Variants in ZFC3H1 observed in about 807,000 individuals in gnomAD.
ZFC3H1 encodes the protein zinc finger C3H1 domain-containing protein.
Under a neutral mutation model 243.7 loss-of-function variants are expected in ZFC3H1, and 71 were observed. The observed-to-expected ratio is 0.29, with a 90% CI of 0.24 to 0.36. The LOEUF is 0.36. Ranked by LOEUF, ZFC3H1 falls within the 10% of genes least tolerant of loss-of-function variation. The pLI is 1.00. For missense variants in ZFC3H1, 1,966 were observed against 2,317.1 expected (o/e 0.85, Z 3.11); for synonymous variants, 838 against 813.0 (o/e 1.03, Z -0.52).
At chr12:71,642,893 T>C (rs1417709025) in intron 5 of ZFC3H1, among the ~76,000 whole-genome samples, 1 of 152,178 alleles carries the variant, frequency 6.6e-6, no homozygotes, top group African/African-American at 2.4e-5. Context: ...ATTAAGAAAC[T>C]AGAGGAATAC....
chr12:71,655,557 A>G (rs1880995144), intron 2 of ZFC3H1, among the ~76,000 whole-genome samples: 1 of 152,176 alleles, frequency 6.6e-6, no homozygotes, highest in Admixed American at 6.5e-5. Flanking sequence ...CAATTTTTAT[A>G]ACTTCTGTAA....
At chr12:71,636,452 CTG>C (rs1348451794) in intron 9 of ZFC3H1, 36 bp downstream of exon 9, 8 of 1,564,456 alleles carry the variant, frequency 5.1e-6, no homozygotes, top group Non-Finnish European at 6.9e-6. Flanking sequence ...TTTATCATAA[CTG>C]TTTGAATAAA....
In ZFC3H1 at chr12:71,656,914, AG is replaced by A; in HGVS notation, c.985del (p.Leu329Ter). ...KVKDGAKPLS[L>X]KSDTTDSSQG... ...ACTAGAATCAGTAGTGTCGGATTTC[AG>A]GGAAAGTGGTTTTGCTCCATCTTTA... On this transcript the variant is annotated frameshift_variant, in exon 2 of 35. Transcript: ENST00000378743. LOFTEE classifies it high-confidence loss of function. 6.2e-7 allele frequency: 1 copy of A among 1,612,706 alleles called. No individual in the cohort carries two copies. Among genetic ancestry groups the A allele is most frequent in the East Asian group, 2.2e-5 (1 of 44,836 alleles).
rs1371272813 is a variant in ZFC3H1, at chr12:71,610,319, G to T, written c.*109C>A. 1 of 1,295,846 alleles carries T rather than the reference G, an allele frequency of 7.7e-7. No homozygotes were observed. Among genetic ancestry groups the T allele is most frequent in the Non-Finnish European group, 1.1e-6 (1 of 938,832 alleles). The allele number at this position is 1,295,846 out of a possible 1,614,324, so 80.3% of individuals were successfully genotyped here. A position where few individuals can be genotyped will look rare whatever the true frequency, so the allele number is the denominator to read the frequency against. On this transcript the variant is annotated 3_prime_UTR_variant, in exon 35 of 35. Coordinates refer to ENST00000378743, the MANE Select transcript of ZFC3H1 (RefSeq NM_144982.5). ...TAGGGAACTTGATATGATCAATAAC[G>T]CTTGTCTGCCTTACACAGACCTTAG...
intron 3 of ZFC3H1, among the ~76,000 whole-genome samples, chr12:71,646,832 G>A (rs1394956845): frequency 6.6e-6 from 1 of 152,194 alleles, no homozygotes; most frequent in Non-Finnish European, 1.5e-5. Context: ...TATGCTACGT[G>A]AGGTAGCTAC....
chr12:71,620,419 T>TC (rs1166065057), intron 24 of ZFC3H1, 104 bp from the exon 25 acceptor site: 12 of 1,097,050 alleles, frequency 1.1e-5, no homozygotes, highest in Non-Finnish European at 1.5e-5. Context: ...AGATGACCCC[T>TC]CCCTTTGATT....
intron 20 of ZFC3H1, 131 bp from the exon 21 acceptor site, chr12:71,628,065 A>C: frequency 1.1e-6 from 1 of 888,214 alleles, no homozygotes; most frequent in East Asian, 2.7e-5. Context: ...ACTAGCTCAC[A>C]GCTTTAAGGT....
At chr12:71,655,995 CA>C (rs141188561) in intron 2 of ZFC3H1, among the ~76,000 whole-genome samples, 2 of 152,204 alleles carry the variant, frequency 1.3e-5, no homozygotes, top group Middle Eastern at 3.4e-3. Flanking sequence ...GAATGAATTT[CA>C]AACACATTAT....
At chr12:71,611,310 C>A in intron 32 of ZFC3H1, 1 of 352,146 alleles carries the variant, frequency 2.8e-6, no homozygotes. Flanking sequence ...AAGAAAAAAG[C>A]AGACCAGTGT....
rs777681665 is a variant in ZFC3H1, at chr12:71,631,887, C to G, written c.3361G>C (p.Glu1121Gln). The change falls in exon 16 of 35, where the codon GAG becomes CAG. Residue 1121 changes from glutamate to glutamine, a missense_variant and splice_region_variant. By Grantham distance (29) the Glu-to-Gln change is conservative. Transcript: ENST00000378743. ...ACAAAATCCACATCTACAGAAATCT[C>G]CTGCAAAAGAAAATAATAATTCTGT... ...GITEKVLHGQEISVDVDFVTA... is the reference protein window; with the variant it reads ...GITEKVLHGQQISVDVDFVTA... 1 of 1,609,040 alleles carries G rather than the reference C, an allele frequency of 6.2e-7. No homozygotes were observed.
chr12:71,639,999 G>C (rs1449213184), intron 6 of ZFC3H1, among the ~76,000 whole-genome samples: 1 of 151,874 alleles, frequency 6.6e-6, no homozygotes, highest in African/African-American at 2.4e-5. Context: ...TTGTGCTCTT[G>C]ATTCTGTGTC....
rs767459195 is a variant in ZFC3H1 at position 71,613,348 on chromosome 12, C to T, written c.5614G>A (p.Gly1872Arg). Residue 1872 changes from glycine to arginine, a missense_variant, in exon 31 of 35, where the codon GGA (glycine) becomes AGA (arginine). Transcript: ENST00000378743. ...AGTTTTTCTTACCTCAATGCAAGTC[C>T]AGAATTAGCTGGCATAACTGAACAA... ...RFCSVMPANS[G>R]LALRLLQHEW... The T allele has an allele frequency of 6.2e-7, 1 of 1,608,846 alleles. No homozygotes were observed. Among genetic ancestry groups the T allele is most frequent in the Admixed American group, 1.7e-5 (1 of 59,638 alleles).
At chr12:71,628,584 G>A (rs1170910906) in intron 20 of ZFC3H1, among the ~76,000 whole-genome samples, 3 of 152,164 alleles carry the variant, frequency 2.0e-5, no homozygotes, top group African/African-American at 4.8e-5. Flanking sequence ...CTGCCCTTAA[G>A]GAGGACACAG....
intron 3 of ZFC3H1, among the ~76,000 whole-genome samples, chr12:71,647,163 T>C (rs1880749599): frequency 6.6e-6 from 1 of 152,178 alleles, no homozygotes; most frequent in Non-Finnish European, 1.5e-5. Context: ...AGAAAAAAAC[T>C]ACAGATATTT....
chr12:71,615,339 T>C, intron 27 of ZFC3H1, 23 bp from the exon 28 acceptor site: 1 of 1,500,830 alleles, frequency 6.7e-7, no homozygotes. Context: ...ATCCAAATAT[T>C]GTTTTAAATT....
rs1482838425 is a variant in ZFC3H1 at position 71,620,322 on chromosome 12, A to G, written c.4745-7T>C. ...GTGCAAGCTTTCACTGCATCTACCC[A>G]AAAACATCACAACAACATGAATCAC... On this transcript the variant is annotated splice_polypyrimidine_tract_variant and splice_region_variant and intron_variant, in intron 24 of 34. Coordinates refer to ENST00000378743, the MANE Select transcript of ZFC3H1 (RefSeq NM_144982.5). The G allele has an allele frequency of 6.2e-7, 1 of 1,612,992 alleles. No homozygotes were observed. The highest frequency in any genetic ancestry group is 8.5e-7 in the Non-Finnish European group (1 of 1,179,134).
chr12:71,638,641 T>C (rs1880526145), intron 6 of ZFC3H1, 126 bp from the exon 7 acceptor site: 2 of 744,290 alleles, frequency 2.7e-6, no homozygotes, highest in South Asian at 2.0e-5. Flanking sequence ...CAACCTCTGA[T>C]AAAATCTTTA....
intron 12 of ZFC3H1, among the ~76,000 whole-genome samples, chr12:71,633,909 C>T (rs546844614): frequency 5.1e-4 from 77 of 152,260 alleles, no homozygotes; most frequent in Non-Finnish European, 5.9e-4. Context: ...CCACCCACCT[C>T]GGCCTCTCAA....
At chr12:71,629,180 G>C in intron 19 of ZFC3H1, 143 bp from the exon 20 acceptor site, 2 of 748,374 alleles carry the variant, frequency 2.7e-6, no homozygotes, top group East Asian at 3.1e-5. Context: ...TTTTGAGATG[G>C]AAGTCTCACT....
Sources: gnomAD v4.1 joint callset for allele counts (sites outside exome capture counted in the v4.1 genomes callset) on GRCh38, gnomAD v4.1.1 for gene constraint, MANE v1.5 for transcripts, NCBI Gene and HGNC (gene_info 2026-07-23, HGNC 2026-07-21) for gene names.